SATL1: variants seen among roughly 807,000 people sequenced by gnomAD.
The protein encoded by SATL1 is spermidine/spermine N(1)-acetyltransferase-like protein 1.
In SATL1, 47 loss-of-function variants were observed where a neutral mutation model predicts 51.8. The ratio of observed to expected loss-of-function variants is 0.91; its 90% CI spans 0.72 to 1.16. The LOEUF (loss-of-function observed/expected upper bound fraction) is 1.16. Among genes scored for constraint, SATL1 ranks in the 50% most tolerant of loss-of-function variants. The pLI is 0.00. For synonymous variants in SATL1, 176 were observed against 182.4 expected (o/e 0.97, Z 0.28); for missense variants, 520 against 526.4 (o/e 0.99, Z 0.12).
intron 2 of SATL1, among the ~76,000 whole-genome samples, chrX:85,151,680 G>A (rs1926442733): frequency 9.0e-6 from 1 of 111,297 alleles, no homozygotes; most frequent in Non-Finnish European, 1.9e-5. Flanking sequence ...ACAACCATCT[G>A]ATCTTTGACA....
At chrX:85,144,923 G>A (rs866915337) in intron 2 of SATL1, among the ~76,000 whole-genome samples, 3 of 110,815 alleles carry the variant, frequency 2.7e-5, no homozygotes, top group African/African-American at 6.6e-5. Flanking sequence ...TATAATCCCA[G>A]GTACTTGGGG....
At chrX:85,103,186 G>A (rs1327361397) in intron 4 of SATL1, among the ~76,000 whole-genome samples, 1 of 111,463 alleles carries the variant, frequency 9.0e-6, no homozygotes, top group Non-Finnish European at 1.9e-5. Context: ...ACTAAGACTA[G>A]TTTGTTAGGG....
intron 3 of SATL1, among the ~76,000 whole-genome samples, chrX:85,106,450 G>A (rs1925043027): frequency 1.8e-5 from 2 of 112,061 alleles, no homozygotes; most frequent in Admixed American, 1.9e-4. Context: ...ATTTAGATAA[G>A]ATTTAAATAT....
At chrX:85,099,959 A>T (rs1316506049) in intron 4 of SATL1, among the ~76,000 whole-genome samples, 2 of 112,551 alleles carry the variant, frequency 1.8e-5, no homozygotes, top group African/African-American at 6.4e-5. Flanking sequence ...TAATCCCAAC[A>T]CTTTGGGAGG....
intron 2 of SATL1, among the ~76,000 whole-genome samples, chrX:85,145,999 C>G (rs1442938633): frequency 1.8e-5 from 2 of 109,210 alleles, no homozygotes; most frequent in Non-Finnish European, 3.8e-5. Context: ...CGGGTTCACA[C>G]CATTCTCCTG....
At chrX:85,159,967 C>T (rs1161685331) in intron 2 of SATL1, among the ~76,000 whole-genome samples, 2 of 111,271 alleles carry the variant, frequency 1.8e-5, no homozygotes, top group African/African-American at 6.6e-5. Context: ...AGCACATAGG[C>T]CCCCACCATC....
chrX:85,165,989 G>A (rs748134311), intron 2 of SATL1, among the ~76,000 whole-genome samples: 34 of 111,083 alleles, frequency 3.1e-4, no homozygotes, highest in Non-Finnish European at 4.5e-4. Flanking sequence ...TATAGCCAAC[G>A]GATCTTCAAC....
rs749226993 is a variant in SATL1, at chrX:85,154,353, C to T, written c.-312-45073G>A. On this transcript the variant is annotated intron_variant, in intron 2 of 7. Coordinates refer to ENST00000644105, the MANE Select transcript of SATL1 (RefSeq NM_001367857.2). ...TGGAAAGAGGAATCCAATAGACTTG[C>T]TCTAATCTGAATCTGTCTTGGGTAA... Among the ~76,000 whole-genome samples the T allele has an allele frequency of 4.5e-5, 5 of 111,644 alleles. No homozygotes were observed. The South Asian group carries it at 1.9e-3, about 42-fold the overall frequency.
intron 2 of SATL1, among the ~76,000 whole-genome samples, chrX:85,136,538 G>T (rs959234706): frequency 1.8e-5 from 2 of 112,063 alleles, no homozygotes; most frequent in African/African-American, 6.5e-5. Context: ...TTCCAGAAGG[G>T]AGTTGTCACC....
intron 2 of SATL1, among the ~76,000 whole-genome samples, chrX:85,198,858 G>A (rs1243145180): frequency 9.9e-6 from 1 of 101,142 alleles, no homozygotes; most frequent in Non-Finnish European, 2.0e-5. Context: ...TTTTTTTTTT[G>A]AGATGGAGTC....
At chrX:85,143,409 T>C (rs1360660525) in intron 2 of SATL1, 2 of 111,711 alleles carry the variant, frequency 1.8e-5, no homozygotes, top group African/African-American at 6.5e-5. Context: ...GACTGCCTTC[T>C]TCTATCTTAC....
At chrX:85,203,853 T>C (rs756206941) in intron 2 of SATL1, among the ~76,000 whole-genome samples, 2 of 112,637 alleles carry the variant, frequency 1.8e-5, no homozygotes, top group Non-Finnish European at 3.8e-5. Flanking sequence ...GGGTCTTATC[T>C]TGCGTAGTGC....
chrX:85,153,945 G>C (rs1018598319), intron 2 of SATL1: 6 of 111,665 alleles, frequency 5.4e-5, no homozygotes, highest in African/African-American at 1.9e-4. Flanking sequence ...GAGAATGATG[G>C]CAAATCTCTT....
At chrX:85,134,143 ATATG>A (rs758752477) in intron 2 of SATL1, among the ~76,000 whole-genome samples, 11 of 110,142 alleles carry the variant, frequency 1.0e-4, no homozygotes, top group African/African-American at 3.7e-4. Flanking sequence ...CTACAAATAT[ATATG>A]TATGTGTGTA....
At chrX:85,124,684 G>T (rs1018030423) in intron 2 of SATL1, among the ~76,000 whole-genome samples, 2 of 111,561 alleles carry the variant, frequency 1.8e-5, no homozygotes, top group African/African-American at 6.5e-5. Flanking sequence ...AAATCTTTCT[G>T]CCCACTGCAT....
chrX:85,212,956 G>A (rs1927959883), intron 2 of SATL1: 1 of 111,708 alleles, frequency 9.0e-6, no homozygotes, highest in Non-Finnish European at 1.9e-5. Flanking sequence ...GGCAGAATTA[G>A]ACAAACTTCA....
intron 1 of SATL1, among the ~76,000 whole-genome samples, chrX:85,238,042 C>T (rs182428184): frequency 9.0e-6 from 1 of 110,835 alleles, no homozygotes; most frequent in East Asian, 2.8e-4. Context: ...TGGATTTTAT[C>T]CAAAAGACAG....
At chrX:85,151,959 G>C (rs1926453514) in intron 2 of SATL1, among the ~76,000 whole-genome samples, 1 of 110,047 alleles carries the variant, frequency 9.1e-6, no homozygotes, top group Non-Finnish European at 1.9e-5. Context: ...AGCCAAAATT[G>C]ACAAATGGGA....
chrX:85,237,318 CA>C (rs1288863626), intron 1 of SATL1, among the ~76,000 whole-genome samples: 1 of 111,217 alleles, frequency 9.0e-6, no homozygotes. Context: ...CTACAGTAAA[CA>C]AAGCAGCATG....
Sources: gnomAD v4.1 joint callset for allele counts (sites outside exome capture counted in the v4.1 genomes callset) on GRCh38, gnomAD v4.1.1 for gene constraint, MANE v1.5 for transcripts, NCBI Gene and HGNC (gene_info 2026-07-23, HGNC 2026-07-21) for gene names.